Variants in ELMO2 observed in about 807,000 individuals in gnomAD.
The protein encoded by ELMO2 is engulfment and cell motility 2.
ELMO2 carries 37 observed loss-of-function variants against 96.2 expected under a neutral mutation model. That is an observed-to-expected ratio of 0.38 (90% CI 0.30 to 0.51). The LOEUF (loss-of-function observed/expected upper bound fraction) is 0.51. Among genes scored for constraint, ELMO2 ranks in the 20% least tolerant of loss-of-function variants. ELMO2 has a pLI of 0.88. For missense variants in ELMO2, 561 were observed against 912.6 expected (o/e 0.61, Z 4.96); for synonymous variants, 315 against 329.4 (o/e 0.96, Z 0.47).
intron 1 of ELMO2, among the ~76,000 whole-genome samples, chr20:46,405,089 C>A (rs993036784): frequency 6.6e-6 from 1 of 152,116 alleles, no homozygotes; most frequent in Non-Finnish European, 1.5e-5. Context: ...GTGTGAGATG[C>A]TAGAGATACT....
At chr20:46,381,050 T>C (rs1228406194) in intron 10 of ELMO2, among the ~76,000 whole-genome samples, 1 of 152,222 alleles carries the variant, frequency 6.6e-6, no homozygotes, top group African/African-American at 2.4e-5. Flanking sequence ...ACATATTATA[T>C]ACATTTATTT....
intron 11 of ELMO2, among the ~76,000 whole-genome samples, chr20:46,379,328 T>C (rs2059916029): frequency 6.6e-6 from 1 of 151,760 alleles, no homozygotes; most frequent in Non-Finnish European, 1.5e-5. Context: ...TCCTTGGCTC[T>C]CCTCCTCCAC....
intron 2 of ELMO2, among the ~76,000 whole-genome samples, chr20:46,395,155 C>T (rs1486257881): frequency 6.6e-6 from 1 of 152,160 alleles, no homozygotes; most frequent in Non-Finnish European, 1.5e-5. Flanking sequence ...CGGCTGACAA[C>T]TCAAGTGGAG....
At chr20:46,369,961 G>GGTGTGTGTGTGT (rs200632114) in intron 20 of ELMO2, 27 of 50,258 alleles carry the variant, frequency 5.4e-4, no homozygotes, top group African/African-American at 1.2e-3. Flanking sequence ...TGGGTATGGG[G>GGTGTGTGTGTGT]GTGTGTGTGT....
intron 19 of ELMO2, among the ~76,000 whole-genome samples, 161 bp from the exon 20 acceptor site, chr20:46,370,686 G>C (rs2059685096): frequency 6.6e-6 from 1 of 152,166 alleles, no homozygotes; most frequent in Non-Finnish European, 1.5e-5. Flanking sequence ...GGGGAGGATG[G>C]CCTTGTACTG....
chr20:46,385,371 A>G lies in ELMO2; in HGVS notation c.677+753T>C, dbSNP rs77202438. On this transcript the variant is annotated intron_variant, in intron 9 of 21. Transcript: ENST00000290246. ...ATCTGGTAAAATGTTTTAGGATGTG[A>G]TAAGAGTCTTAACAAACAAACAAAG... 8.5e-3 allele frequency among the ~76,000 whole-genome samples: 1,296 copies of G among 152,326 alleles called. 18 individuals carry two copies. Among genetic ancestry groups the G allele is most frequent in the African/African-American group, 0.03 (1,230 of 41,570 alleles).
At chr20:46,384,537 T>G (rs1459955733) in intron 9 of ELMO2, among the ~76,000 whole-genome samples, 1 of 99,288 alleles carries the variant, frequency 1.0e-5, no homozygotes, top group Non-Finnish European at 2.0e-5. Flanking sequence ...CTGGGGCCAC[T>G]CTGAATTCAG....
In ELMO2 at chr20:46,367,289, C is replaced by T. The variant is rs2059601541; in HGVS notation, c.*71G>A. On this transcript the variant is annotated 3_prime_UTR_variant, in exon 22 of 22. Coordinates refer to ENST00000290246, the MANE Select transcript of ELMO2 (RefSeq NM_133171.5). ...GATTCTGTACAAGCAAAAGACAAGG[C>T]ACCAGAATGTAAGTGTTTCTCCTGG... The T allele has an allele frequency of 2.3e-6, 3 of 1,325,420 alleles. No individual in the cohort carries two copies. Among genetic ancestry groups the T allele is most frequent in the Non-Finnish European group, 3.0e-6 (3 of 1,001,096 alleles). 82.1% of individuals were successfully genotyped at this position (1,325,420 alleles called of 1,614,324 possible).
Position 46,368,890 on chromosome 20 carries a change from C to T in ELMO2, c.1962+1G>A, listed in dbSNP as rs750662963. On this transcript the variant is annotated splice_donor_variant, in intron 21 of 21. Coordinates refer to ENST00000290246, the MANE Select transcript of ELMO2 (RefSeq NM_133171.5). LOFTEE classifies it high-confidence loss of function. ...GTCTAAGGCAGCGCCACACTGCTCA[C>T]CTCATATTTATTAGGTGCGATGAAG... The T allele has an allele frequency of 3.7e-6, 6 of 1,614,180 alleles. No individual in the cohort carries two copies. In the Admixed American group the frequency reaches 8.3e-5, roughly 22 times the overall value.
intron 10 of ELMO2, chr20:46,382,215 C>T (rs780712830): frequency 1.1e-5 from 14 of 1,289,736 alleles, no homozygotes; most frequent in Non-Finnish European, 1.4e-5. Flanking sequence ...CAGTGACAGG[C>T]AGGTCTAGAG....
intron 9 of ELMO2, 81 bp from the exon 10 acceptor site, chr20:46,383,575 C>A: frequency 1.1e-5 from 15 of 1,310,108 alleles, no homozygotes; most frequent in Non-Finnish European, 1.5e-5. Context: ...TTAAAACAAT[C>A]ACTCACAGAT....
At chr20:46,369,442 G>A (rs1388150500) in intron 20 of ELMO2, 1 of 155,134 alleles carries the variant, frequency 6.4e-6, no homozygotes, top group Non-Finnish European at 1.4e-5. Flanking sequence ...CATAAAAGAA[G>A]AATCAGCATT....
intron 11 of ELMO2, chr20:46,377,010 T>C (rs2059873046): frequency 5.7e-6 from 2 of 351,170 alleles, no homozygotes; most frequent in African/African-American, 2.2e-5. Context: ...TTCTACTGAA[T>C]AGCAATGCTC....
At position 46,373,411 on chromosome 20, in the gene ELMO2, C is replaced by A; in HGVS notation, c.1404G>T (p.Glu468Asp). Residue 468 changes from glutamate (E) to aspartate (D), a missense_variant, in exon 16 of 22, where the codon GAG becomes GAT. Transcript: ENST00000290246. ...KTWKEMRATA[E>D]DFNKVMQVVR... ...CGGAGACACTGACCTTGTTGAAGTCCTCTGCTGTTGCCCTCATCTCCTTCC... is the reference window on the plus strand; with the variant it reads ...CGGAGACACTGACCTTGTTGAAGTCATCTGCTGTTGCCCTCATCTCCTTCC... The A allele has an allele frequency of 6.2e-7, 1 of 1,614,202 alleles. No homozygotes were observed. The highest frequency in any genetic ancestry group is 1.1e-5 in the South Asian group (1 of 91,084).
At chr20:46,393,798 G>A (rs982084374) in intron 4 of ELMO2, among the ~76,000 whole-genome samples, 197 bp from the exon 5 acceptor site, 1 of 152,180 alleles carries the variant, frequency 6.6e-6, no homozygotes, top group African/African-American at 2.4e-5. Flanking sequence ...TAGGAGGTGT[G>A]CAGAACTGAG....
Position 46,371,505 on chromosome 20 carries a change from G to C in ELMO2, c.1694-46C>G, listed in dbSNP as rs781290331. The C allele has an allele frequency of 1.2e-6, 2 of 1,612,280 alleles. No individual in the cohort carries two copies. The highest frequency in any genetic ancestry group is 1.7e-6 in the Non-Finnish European group (2 of 1,178,554). On this transcript the variant is annotated intron_variant, in intron 18 of 21. Coordinates refer to ENST00000290246, the MANE Select transcript of ELMO2 (RefSeq NM_133171.5). The surrounding 1 kb of genome is among the most constrained non-coding windows in gnomAD (Gnocchi z 5.9). ...AACAGGTGAGCAACGACAGTACTGG[G>C]AAAGGCCTGGGCACAAAAGGGGCCA...
chr20:46,375,826 C>T lies in ELMO2; in HGVS notation c.808-36G>A. ...CACAGGCAGGGAGCAGGGGACTGAA[C>T]TGATCTCTTTTAATGAAGGGCCACA... On this transcript the variant is annotated intron_variant, in intron 11 of 21. Coordinates refer to ENST00000290246, the MANE Select transcript of ELMO2 (RefSeq NM_133171.5). This position sits in a 1 kb window ranked among gnomAD's most constrained non-coding sequence, Gnocchi z 4.6. 2 of 1,612,838 alleles carry T rather than the reference C, an allele frequency of 1.2e-6. No individual in the cohort carries two copies. The highest frequency in any genetic ancestry group is 2.2e-5 in the South Asian group (2 of 90,998).
intron 2 of ELMO2, among the ~76,000 whole-genome samples, chr20:46,397,658 G>T (rs1219354203): frequency 6.6e-6 from 1 of 152,102 alleles, no homozygotes; most frequent in African/African-American, 2.4e-5. Flanking sequence ...GCGACGGAAT[G>T]AGACTCCATC....
chr20:46,397,428 G>A (rs2060264983), intron 2 of ELMO2, among the ~76,000 whole-genome samples: 1 of 152,214 alleles, frequency 6.6e-6, no homozygotes, highest in African/African-American at 2.4e-5. Flanking sequence ...GCAGCACTTT[G>A]GGAGGCCAAG....
Sources: gnomAD v4.1 joint callset for allele counts (sites outside exome capture counted in the v4.1 genomes callset) on GRCh38, gnomAD v4.1.1 for gene constraint, Gnocchi (gnomAD v3.1) non-coding constraint, MANE v1.5 for transcripts, NCBI Gene and HGNC (gene_info 2026-07-23, HGNC 2026-07-21) for gene names.